GTF3C1: variants seen among roughly 807,000 people sequenced by gnomAD.
GTF3C1 encodes general transcription factor IIIC subunit 1.
GTF3C1 carries 57 observed loss-of-function variants against 226.7 expected under a neutral mutation model. The observed-to-expected ratio is 0.25, with a 90% CI of 0.20 to 0.31. GTF3C1 has a LOEUF of 0.31. GTF3C1 is among the 10% of genes least tolerant of loss of function. GTF3C1 has a pLI of 1.00. For synonymous variants in GTF3C1, 1,090 were observed against 1,084.8 expected, an observed-to-expected ratio of 1.00 and a Z score of -0.09; for missense variants, 2,217 against 2,776.1, an observed-to-expected ratio of 0.80 and a Z score of 4.53.
rs370505551 is a variant in GTF3C1 at position 27,470,985 on chromosome 16, G to A, written c.4527-590C>T. Among the ~76,000 whole-genome samples the A allele has an allele frequency of 2.0e-4, 31 of 152,340 alleles. No homozygotes were observed. Among genetic ancestry groups the A allele is most frequent in the African/African-American group, 4.1e-4 (17 of 41,576 alleles). On this transcript the variant is annotated intron_variant, in intron 30 of 36. Coordinates refer to ENST00000356183, the MANE Select transcript of GTF3C1 (RefSeq NM_001520.4). This position sits in a 1 kb window ranked among gnomAD's most constrained non-coding sequence, Gnocchi z 4.9. ...AAATGGCCTTGTTGGATTTGGGCAC[G>A]TATCTTCTGCTGCCACACCTACTTC...
intron 29 of GTF3C1, among the ~76,000 whole-genome samples, chr16:27,475,881 C>T (rs2087943752): frequency 6.6e-6 from 1 of 152,154 alleles, no homozygotes; most frequent in Non-Finnish European, 1.5e-5. Context: ...AGGTCCTTTG[C>T]CATGCCTCAT....
At chr16:27,516,146 G>A (rs1401626643) in intron 6 of GTF3C1, among the ~76,000 whole-genome samples, 1 of 152,176 alleles carries the variant, frequency 6.6e-6, no homozygotes, top group East Asian at 1.9e-4. Context: ...CCCCCTTATT[G>A]TGAGATAAGC....
chr16:27,485,001 C>T (rs1437703178), intron 24 of GTF3C1, among the ~76,000 whole-genome samples: 2 of 152,228 alleles, frequency 1.3e-5, no homozygotes, highest in African/African-American at 4.8e-5. Flanking sequence ...GATGGAGGGA[C>T]GCCCCACTTA....
chr16:27,470,609 G>A lies in GTF3C1; in HGVS notation c.4527-214C>T, dbSNP rs370394130. 2.8e-4 allele frequency: 155 copies of A among 560,796 alleles called. No individual in the cohort carries two copies. The highest frequency in any genetic ancestry group is 3.8e-4 in the African/African-American group (20 of 53,260). The allele number at this position is 560,796 out of a possible 1,614,324, so 34.7% of individuals were successfully genotyped here. A position where few individuals can be genotyped will look rare whatever the true frequency, so the allele number is the denominator to read the frequency against. On this transcript the variant is annotated intron_variant, in intron 30 of 36. Coordinates refer to ENST00000356183, the MANE Select transcript of GTF3C1 (RefSeq NM_001520.4). This position sits in a 1 kb window ranked among gnomAD's most constrained non-coding sequence, Gnocchi z 4.9. ...TTCCCCGCTTGCCTGAGTACCTTCC[G>A]GGCAGAGTCCTGTCTCCTCATCTAA...
At chr16:27,512,825 C>G (rs1346897898) in intron 6 of GTF3C1, among the ~76,000 whole-genome samples, 1 of 152,176 alleles carries the variant, frequency 6.6e-6, no homozygotes, top group East Asian at 1.9e-4. Flanking sequence ...GATGAAGATG[C>G]TAGGGAACCA....
chr16:27,523,263 G>A (rs1416195794), intron 6 of GTF3C1, among the ~76,000 whole-genome samples: 1 of 152,070 alleles, frequency 6.6e-6, no homozygotes, highest in Non-Finnish European at 1.5e-5. Flanking sequence ...GTTCAGGGGG[G>A]CTGTTTACAT....
At chr16:27,495,683 A>G (rs781438182) in intron 14 of GTF3C1, among the ~76,000 whole-genome samples, 191 bp from the exon 15 acceptor site, 4 of 152,260 alleles carry the variant, frequency 2.6e-5, no homozygotes, top group Non-Finnish European at 5.9e-5. Flanking sequence ...ATAGCCCATC[A>G]GACGAAAACA....
In GTF3C1 at chr16:27,465,240, T is replaced by C. The variant is rs1409852904; in HGVS notation, c.5355+20A>G. Reference sequence around the variant, plus strand: ...AATTTCCGCTTCGGTGATATCCGGCTAACCTAAAGCACAGCTCACCTGGAT... The same window carrying C: ...AATTTCCGCTTCGGTGATATCCGGCCAACCTAAAGCACAGCTCACCTGGAT... On this transcript the variant is annotated intron_variant, in intron 33 of 36. Coordinates refer to ENST00000356183, the MANE Select transcript of GTF3C1 (RefSeq NM_001520.4). 2.5e-6 allele frequency: 4 copies of C among 1,611,258 alleles called. No homozygotes were observed. The highest frequency in any genetic ancestry group is 1.3e-5 in the African/African-American group (1 of 75,004).
At position 27,507,715 on chromosome 16, in the gene GTF3C1, C is replaced by A. The variant is rs768150035; in HGVS notation, c.1243-559G>T. On this transcript the variant is annotated intron_variant, in intron 8 of 36. Transcript: ENST00000356183. The surrounding 1 kb of genome is among the most constrained non-coding windows in gnomAD (Gnocchi z 4.9). Reference sequence around the variant, plus strand: ...GGGCTAAGTGTGCTGCAGTCACTCACCCAACTATAATACTGCCTTCCAGCC... The same window carrying A: ...GGGCTAAGTGTGCTGCAGTCACTCAACCAACTATAATACTGCCTTCCAGCC... Among the ~76,000 whole-genome samples the A allele has an allele frequency of 1.2e-4, 19 of 152,220 alleles. No individual in the cohort carries two copies. Among genetic ancestry groups the A allele is most frequent in the Non-Finnish European group, 2.1e-4 (14 of 68,040 alleles).
At chr16:27,474,203 C>T (rs1477890128) in intron 29 of GTF3C1, among the ~76,000 whole-genome samples, 1 of 152,224 alleles carries the variant, frequency 6.6e-6, no homozygotes, top group Non-Finnish European at 1.5e-5. Context: ...TGTCCTGTTT[C>T]CTGCTCGGGG....
intron 6 of GTF3C1, among the ~76,000 whole-genome samples, chr16:27,519,056 G>A (rs1297751768): frequency 1.3e-5 from 2 of 152,168 alleles, no homozygotes; most frequent in African/African-American, 4.8e-5. Flanking sequence ...CACGCACAGA[G>A]TTTGGAAATG....
chr16:27,497,763 T>C lies in GTF3C1; in HGVS notation c.2224A>G (p.Lys742Glu). 6.2e-7 allele frequency: 1 copy of C among 1,614,136 alleles called. No individual in the cohort carries two copies. Among genetic ancestry groups the C allele is most frequent in the Non-Finnish European group, 8.5e-7 (1 of 1,179,972 alleles). ...TCCCCTGATCCACTTGGGCCCTCTT[T>C]TCCTTGACTGTCTTCTTCTGCCTCC... ...QGEAEEDSQG[K>E]EGPSGSGDSQ... is the part of the protein sequence containing the mutation. Residue 742 changes from lysine (K) to glutamate (E), a missense_variant, in exon 14 of 37, where the codon AAA (lysine) becomes GAA (glutamate). By Grantham distance (56) the Lys-to-Glu change is moderately conservative. Transcript: ENST00000356183.
intron 2 of GTF3C1, among the ~76,000 whole-genome samples, chr16:27,543,724 C>T (rs1596666001): frequency 6.6e-6 from 1 of 152,212 alleles, no homozygotes; most frequent in African/African-American, 2.4e-5. Context: ...TAGGTGAATC[C>T]ACAAATAAGC....
intron 4 of GTF3C1, among the ~76,000 whole-genome samples, chr16:27,535,645 A>C (rs1209681418): frequency 1.3e-5 from 2 of 151,682 alleles, no homozygotes; most frequent in African/African-American, 4.8e-5. Flanking sequence ...CCAGTAAATT[A>C]CTTGCTGCAG....
rs540308746 is a variant in GTF3C1 at position 27,488,623 on chromosome 16, C to T, written c.3442G>A (p.Ala1148Thr). Reference sequence around the variant, plus strand: ...AGCCTCACTGTGAGTCCATTCTCTGCGGCAGTGTTCTCCTGTGAGACAAGC... The same window carrying T: ...AGCCTCACTGTGAGTCCATTCTCTGTGGCAGTGTTCTCCTGTGAGACAAGC... The part of the protein sequence containing the change: ...INQAKKENTA[A>T]ENGLTVRLQT... Residue 1148 changes from alanine to threonine, a missense_variant, in exon 22 of 37, where the codon GCA becomes ACA. This residue lies in a region of GTF3C1 where 546 missense variants were observed against 663.0 expected (regional missense o/e 0.82). Transcript: ENST00000356183. 2.3e-4 allele frequency: 363 copies of T among 1,612,570 alleles called. 4 individuals are homozygous for T. The Admixed American group carries it at 5.2e-3, about 23-fold the overall frequency.
intron 6 of GTF3C1, among the ~76,000 whole-genome samples, chr16:27,521,893 A>C (rs1416480264): frequency 6.6e-6 from 1 of 151,322 alleles, no homozygotes; most frequent in Non-Finnish European, 1.5e-5. Context: ...ATTCTTTTTA[A>C]TTCCAGTTTT....
chr16:27,486,006 G>A lies in GTF3C1; in HGVS notation c.3849C>T (p.Leu1283=). 2 of 1,608,030 alleles carry A rather than the reference G, an allele frequency of 1.2e-6. No individual in the cohort carries two copies. The highest frequency in any genetic ancestry group is 8.5e-7 in the Non-Finnish European group (1 of 1,176,220). Residue 1283 remains leucine, a synonymous_variant, in exon 24 of 37, where the codon CTC becomes CTT. Coordinates refer to ENST00000356183, the MANE Select transcript of GTF3C1 (RefSeq NM_001520.4). ...CTGGGCTGGTTGGTACCTTGGTGTT[G>A]AGGACATTGCTGGCAATGCGGCACA... The part of the protein sequence containing the change: ...LVLCRIASNV[L]NTKVKGPFVT...
rs1413949417 is a variant in GTF3C1 at position 27,506,840 on chromosome 16, T to A, written c.1552+7A>T. 6.3e-7 allele frequency: 1 copy of A among 1,594,952 alleles called. No individual in the cohort carries two copies. The highest frequency in any genetic ancestry group is 1.3e-5 in the African/African-American group (1 of 74,296). On this transcript the variant is annotated splice_region_variant and intron_variant, in intron 9 of 36. Coordinates refer to ENST00000356183, the MANE Select transcript of GTF3C1 (RefSeq NM_001520.4). ...CGCAGCCCCTGCCCACCCCACGTGC[T>A]CCCTACCCTTGGTTGGGGTGGAGTG...
At chr16:27,535,348 G>A (rs1344687035) in intron 4 of GTF3C1, among the ~76,000 whole-genome samples, 7 of 152,106 alleles carry the variant, frequency 4.6e-5, no homozygotes, top group Admixed American at 1.3e-4. Flanking sequence ...CGAGGTGGGC[G>A]TATCACCTGA....
Sources: allele counts gnomAD v4.1 joint callset (sites outside exome capture counted in the v4.1 genomes callset), GRCh38; gene constraint gnomAD v4.1.1; regional missense constraint gnomAD v4.1.1; non-coding constraint Gnocchi (gnomAD v3.1); transcripts MANE v1.5; gene names NCBI Gene and HGNC (gene_info 2026-07-23, HGNC 2026-07-21).